Variants in AMPH observed in about 807,000 individuals in gnomAD.
AMPH encodes amphiphysin (Stiff-Mann syndrome with breast cancer 128kD autoantigen).
Under a neutral mutation model 99.1 loss-of-function variants are expected in AMPH, and 49 were observed. That is an observed-to-expected ratio of 0.49 (90% CI 0.39 to 0.63). AMPH has a LOEUF of 0.63. AMPH is among the 20% of genes least tolerant of loss of function. The probability of loss-of-function intolerance (pLI) is 0.00; values close to 1 mark genes in which losing one functional copy is unlikely to be tolerated. For missense variants in AMPH, 759 were observed against 863.4 expected (o/e 0.88, Z 1.52); for synonymous variants, 314 against 317.3 (o/e 0.99, Z 0.11).
At chr7:38,482,603 C>G (rs1788329329) in intron 5 of AMPH, among the ~76,000 whole-genome samples, 1 of 152,082 alleles carries the variant, frequency 6.6e-6, no homozygotes, top group South Asian at 2.1e-4. Context: ...AGTACAATAA[C>G]TAAGATCTTC....
At chr7:38,567,892 C>G (rs977809413) in intron 1 of AMPH, among the ~76,000 whole-genome samples, 1 of 152,014 alleles carries the variant, frequency 6.6e-6, no homozygotes, top group African/African-American at 2.4e-5. Flanking sequence ...TTTGATAGCA[C>G]TTAAAATTAA....
At chr7:38,451,370 G>A (rs1454568100) in intron 11 of AMPH, among the ~76,000 whole-genome samples, 2 of 148,056 alleles carry the variant, frequency 1.4e-5, no homozygotes, top group Non-Finnish European at 3.0e-5. Flanking sequence ...GTATATATAT[G>A]TGTATATACA....
At chr7:38,490,503 C>T (rs1788678059) in intron 5 of AMPH, among the ~76,000 whole-genome samples, 1 of 152,134 alleles carries the variant, frequency 6.6e-6, no homozygotes, top group Non-Finnish European at 1.5e-5. Flanking sequence ...GTTTCAGACA[C>T]AATATTTTTA....
intron 1 of AMPH, among the ~76,000 whole-genome samples, chr7:38,603,736 A>G (rs1251086892): frequency 5.3e-5 from 8 of 152,210 alleles, no homozygotes; most frequent in Admixed American, 3.3e-4. Context: ...TAGACCAAGC[A>G]TCACAGCTCA....
chr7:38,483,186 T>C (rs369411118), intron 5 of AMPH, among the ~76,000 whole-genome samples: 2 of 152,104 alleles, frequency 1.3e-5, no homozygotes, highest in East Asian at 3.9e-4. Context: ...TACTTGCCTG[T>C]CTGGGATAGC....
At chr7:38,546,430 CTA>C (rs1408433479) in intron 1 of AMPH, among the ~76,000 whole-genome samples, 3 of 152,124 alleles carry the variant, frequency 2.0e-5, no homozygotes, top group African/African-American at 7.2e-5. Context: ...AAATTAAACA[CTA>C]TTTTGTAGGA....
At chr7:38,388,605 A>T (rs1784408015) in intron 20 of AMPH, among the ~76,000 whole-genome samples, 2 of 151,930 alleles carry the variant, frequency 1.3e-5, no homozygotes. Context: ...TAAAATTTTT[A>T]AATCTTTGGG....
At chr7:38,571,173 T>A (rs1177795184) in intron 1 of AMPH, among the ~76,000 whole-genome samples, 4 of 95,768 alleles carry the variant, frequency 4.2e-5, no homozygotes, top group Non-Finnish European at 7.3e-5. Context: ...TTTTATATAT[T>A]TTTATATATG....
At chr7:38,422,579 TATCTATCTATCTATCTATCTATCC>T in intron 15 of AMPH, 102 bp from the exon 16 acceptor site, 1 of 771,388 alleles carries the variant, frequency 1.3e-6, no homozygotes. Flanking sequence ...TCTATCTATC[TATCTATCTATCTATCTATCTATCC>T]ATCTATCTAT....
intron 1 of AMPH, among the ~76,000 whole-genome samples, chr7:38,538,362 G>A (rs1021505617): frequency 7.2e-5 from 11 of 152,312 alleles, no homozygotes; most frequent in African/African-American, 2.4e-4. Context: ...GGGCTAAGGG[G>A]CTGCAGGAAT....
chr7:38,477,098 G>A (rs1046866677), intron 5 of AMPH, 129 bp from the exon 6 acceptor site: 1 of 686,966 alleles, frequency 1.5e-6, no homozygotes, highest in Admixed American at 2.3e-5. Context: ...AAGATGGGCT[G>A]GAGTTTCACT....
intron 2 of AMPH, among the ~76,000 whole-genome samples, chr7:38,519,672 T>C (rs1789878567): frequency 6.6e-6 from 1 of 152,238 alleles, no homozygotes; most frequent in African/African-American, 2.4e-5. Context: ...ATCATGGAAC[T>C]AGGGCAGCTT....
chr7:38,430,997 G>T (rs1051867489), intron 13 of AMPH, among the ~76,000 whole-genome samples: 1 of 152,174 alleles, frequency 6.6e-6, no homozygotes, highest in African/African-American at 2.4e-5. Context: ...AATAAAAGAA[G>T]AAAACATACA....
At chr7:38,503,573 C>T (rs1789224054) in intron 3 of AMPH, 77 bp downstream of exon 3, 2 of 1,437,648 alleles carry the variant, frequency 1.4e-6, no homozygotes, top group South Asian at 1.2e-5. Context: ...TTGTAATTAA[C>T]ACTCAATCCT....
At chr7:38,532,817 C>T (rs1790458594) in intron 2 of AMPH, among the ~76,000 whole-genome samples, 1 of 151,380 alleles carries the variant, frequency 6.6e-6, no homozygotes, top group African/African-American at 2.4e-5. Flanking sequence ...ATTACTAAAC[C>T]TGATGCTTCC....
chr7:38,491,977 G>T (rs1788737493), intron 4 of AMPH, among the ~76,000 whole-genome samples: 1 of 152,172 alleles, frequency 6.6e-6, no homozygotes, highest in Admixed American at 6.5e-5. Context: ...TATATGAGTT[G>T]GCAATGTAAA....
chr7:38,559,642 C>G (rs1791488598), intron 1 of AMPH, among the ~76,000 whole-genome samples: 1 of 152,216 alleles, frequency 6.6e-6, no homozygotes, highest in Non-Finnish European at 1.5e-5. Flanking sequence ...TGCTTTATTT[C>G]ACTTAAGCCT....
intron 1 of AMPH, among the ~76,000 whole-genome samples, chr7:38,601,058 G>A (rs1793228827): frequency 6.6e-6 from 1 of 152,190 alleles, no homozygotes. Context: ...TGAGGTCCTT[G>A]TTATCCAGTG....
At chr7:38,416,126 T>TATATATATA (rs70975100) in intron 17 of AMPH, among the ~76,000 whole-genome samples, 37 of 132,260 alleles carry the variant, frequency 2.8e-4, no homozygotes, top group Non-Finnish European at 4.1e-4. Context: ...TATATATATA[T>TATATATATA]TAGCTATTAC....
Sources: allele counts gnomAD v4.1 joint callset (sites outside exome capture counted in the v4.1 genomes callset), GRCh38; gene constraint gnomAD v4.1.1; transcripts MANE v1.5; gene names NCBI Gene and HGNC (gene_info 2026-07-23, HGNC 2026-07-21).